The following POU6F2 variants were observed in gnomAD, a reference collection of about 807,000 sequenced individuals.
POU6F2 encodes the protein POU class 6 homeobox 2, also known as POU domain, class 6, transcription factor 2.
A neutral mutation model predicts 71.3 loss-of-function variants in POU6F2; 31 were observed. The ratio of observed to expected loss-of-function variants is 0.43; its 90% CI spans 0.33 to 0.59. The LOEUF is 0.59. POU6F2 is among the 20% of genes least tolerant of loss of function. The pLI, the probability that POU6F2 is intolerant of heterozygous loss-of-function variation, is 0.04. For missense variants in POU6F2, 783 were observed against 856.8 expected (o/e 0.91, Z 1.07); for synonymous variants, 347 against 355.7 (o/e 0.98, Z 0.27).
chr7:39,006,105 T>C (rs571384223), intron 1 of POU6F2, among the ~76,000 whole-genome samples: 1 of 152,298 alleles, frequency 6.6e-6, no homozygotes, highest in Middle Eastern at 3.4e-3. Context: ...TCTAACAGTG[T>C]TGGAGTCAGG....
chr7:39,055,472 A>G (rs1263894451), intron 1 of POU6F2, among the ~76,000 whole-genome samples: 1 of 152,162 alleles, frequency 6.6e-6, no homozygotes, highest in Non-Finnish European at 1.5e-5. Context: ...CCGCACTTTA[A>G]AAAATCTGCT....
At chr7:39,258,088 A>G (rs1305356149) in intron 4 of POU6F2, among the ~76,000 whole-genome samples, 1 of 152,226 alleles carries the variant, frequency 6.6e-6, no homozygotes, top group African/African-American at 2.4e-5. Context: ...GAGGCTGAAC[A>G]TAGATTAAAT....
chr7:39,463,247 G>A (rs992260594), intron 9 of POU6F2, among the ~76,000 whole-genome samples: 4 of 152,200 alleles, frequency 2.6e-5, no homozygotes, highest in African/African-American at 9.6e-5. Context: ...ATATAATTTT[G>A]TCCAAGACGC....
intron 7 of POU6F2, among the ~76,000 whole-genome samples, chr7:39,441,020 GAT>G (rs1169642351): frequency 6.6e-6 from 1 of 152,010 alleles, no homozygotes; most frequent in Non-Finnish European, 1.5e-5. Context: ...CCCGTGCCTG[GAT>G]ATGTCATTCA....
At chr7:39,030,204 G>A (rs1014733144) in intron 1 of POU6F2, among the ~76,000 whole-genome samples, 2 of 151,798 alleles carry the variant, frequency 1.3e-5, no homozygotes, top group African/African-American at 4.8e-5. Flanking sequence ...TAATAATGAA[G>A]AAAGATGTTC....
intron 7 of POU6F2, among the ~76,000 whole-genome samples, chr7:39,439,044 A>G (rs142798944): frequency 0.012 from 1,868 of 152,286 alleles, 25 homozygotes; most frequent in Admixed American, 0.034. Flanking sequence ...GTGCTCCTGT[A>G]TTGGGTACAT....
chr7:39,451,403 C>G, intron 7 of POU6F2, 130 bp from the exon 8 acceptor site: 16 of 973,130 alleles, frequency 1.6e-5, no homozygotes, highest in Non-Finnish European at 2.4e-5. Context: ...GTGTAGGGTG[C>G]GCACTCTTCC....
At chr7:39,213,699 A>G (rs1794187215) in intron 4 of POU6F2, among the ~76,000 whole-genome samples, 1 of 152,234 alleles carries the variant, frequency 6.6e-6, no homozygotes, top group African/African-American at 2.4e-5. Flanking sequence ...GTTGTCGTGT[A>G]TACAACAGTA....
chr7:39,135,888 C>T (rs533922775), intron 2 of POU6F2, among the ~76,000 whole-genome samples: 26 of 152,126 alleles, frequency 1.7e-4, no homozygotes, highest in African/African-American at 5.8e-4. Context: ...CCAGGAGCAC[C>T]GCTAAATAAT....
chr7:39,036,245 A>G (rs1049675305), intron 1 of POU6F2, among the ~76,000 whole-genome samples: 1 of 152,122 alleles, frequency 6.6e-6, no homozygotes, highest in African/African-American at 2.4e-5. Flanking sequence ...TGCAGCAGGA[A>G]TGATTAGAGT....
intron 2 of POU6F2, among the ~76,000 whole-genome samples, chr7:39,183,804 G>T (rs1793480697): frequency 6.6e-6 from 1 of 152,180 alleles, no homozygotes; most frequent in Non-Finnish European, 1.5e-5. Context: ...CATTGACAAA[G>T]AGTGAATTTT....
intron 2 of POU6F2, among the ~76,000 whole-genome samples, chr7:39,114,051 G>A (rs1050609767): frequency 2.0e-5 from 3 of 151,804 alleles, no homozygotes; most frequent in Non-Finnish European, 4.4e-5. Context: ...TAGGCTATAC[G>A]GTTTATAAAA....
chr7:39,420,275 T>C (rs1240910081), intron 6 of POU6F2, among the ~76,000 whole-genome samples: 1 of 152,226 alleles, frequency 6.6e-6, no homozygotes, highest in Non-Finnish European at 1.5e-5. Flanking sequence ...ATACAAAGGG[T>C]AACATTACTG....
At chr7:39,276,494 C>T (rs1235034391) in intron 4 of POU6F2, among the ~76,000 whole-genome samples, 2 of 151,052 alleles carry the variant, frequency 1.3e-5, no homozygotes, top group Non-Finnish European at 3.0e-5. Context: ...GTCAGTGTGG[C>T]GATTCCTCAG....
At position 39,467,091 on chromosome 7, in the gene POU6F2, T is replaced by C. The variant is rs1041955022; in HGVS notation, c.*2405T>C. ...GGGTCTAACTAGGACAGGGAAAATA[T>C]AAAATAAAAGTAATCTTCCAGAGTG... On this transcript the variant is annotated 3_prime_UTR_variant, in exon 10 of 10. Transcript: ENST00000518318. 1 of 152,190 alleles carries C rather than the reference T, an allele frequency of 6.6e-6. No homozygotes were observed. The highest frequency in any genetic ancestry group is 1.5e-5 in the Non-Finnish European group (1 of 68,028). 9.4% of individuals were successfully genotyped at this position (152,190 alleles called of 1,614,324 possible).
Position 39,460,878 on chromosome 7 carries a change from G to A in POU6F2, c.1658+163G>A, listed in dbSNP as rs1337980068. ...TGGGATTGGTGATCTTGATGCAAAC[G>A]ACGCTGCTGAAGCAAATTTGGGGGT... is the stretch of plus-strand genomic sequence containing the variant. On this transcript the variant is annotated intron_variant, in intron 9 of 9. Coordinates refer to ENST00000518318, the MANE Select transcript of POU6F2 (RefSeq NM_001370959.1). This position sits in a 1 kb window ranked among gnomAD's most constrained non-coding sequence, Gnocchi z 4.4. Among the ~76,000 whole-genome samples the A allele has an allele frequency of 1.3e-5, 2 of 152,148 alleles. No homozygotes were observed. The highest frequency in any genetic ancestry group is 2.9e-5 in the Non-Finnish European group (2 of 68,014).
intron 2 of POU6F2, among the ~76,000 whole-genome samples, chr7:39,110,233 T>G (rs1245712341): frequency 1.4e-5 from 2 of 139,292 alleles, no homozygotes; most frequent in African/African-American, 5.4e-5. Flanking sequence ...ATCGCATCAC[T>G]GCACTCCAGG....
In POU6F2 at chr7:39,434,702, G is replaced by A. The variant is rs528577742; in HGVS notation, c.1320+1419G>A. On this transcript the variant is annotated intron_variant, in intron 7 of 9. Coordinates refer to ENST00000518318, the MANE Select transcript of POU6F2 (RefSeq NM_001370959.1). ...CAAAAAAAAATGAGATTCATGTGCA[G>A]AACGTGCAGGTTTGTTACATAGGTA... Among the ~76,000 whole-genome samples, 21 of 151,958 alleles carry A rather than the reference G, an allele frequency of 1.4e-4. 1 individual carries two copies. The South Asian group carries it at 4.4e-3, about 32-fold the overall frequency.
Position 39,090,349 on chromosome 7 carries a change from A to G in POU6F2, c.277+4318A>G, listed in dbSNP as rs187855830. ...ATTTATGGCAGTAGAGTCGCTTTCA[A>G]TGACAAAAGGATAAAGAACTAAATT... On this transcript the variant is annotated intron_variant, in intron 2 of 9. Coordinates refer to ENST00000518318, the MANE Select transcript of POU6F2 (RefSeq NM_001370959.1). Among the ~76,000 whole-genome samples the G allele has an allele frequency of 1.5e-3, 236 of 152,276 alleles. 1 individual carries two copies. Among genetic ancestry groups the G allele is most frequent in the African/African-American group, 5.3e-3 (220 of 41,566 alleles).
Sources: allele counts gnomAD v4.1 joint callset (sites outside exome capture counted in the v4.1 genomes callset), GRCh38; gene constraint gnomAD v4.1.1; non-coding constraint Gnocchi (gnomAD v3.1); transcripts MANE v1.5; gene names NCBI Gene and HGNC (gene_info 2026-07-23, HGNC 2026-07-21).